The following RIN2 variants were observed in gnomAD, a reference collection of about 807,000 sequenced individuals.
The protein encoded by RIN2 is RAB5 interacting protein 2.
In RIN2, 36 loss-of-function variants were observed where a neutral mutation model predicts 78.0. The observed-to-expected ratio is 0.46, with a 90% CI of 0.35 to 0.61. The LOEUF (loss-of-function observed/expected upper bound fraction) is 0.61. RIN2 is among the 20% of genes least tolerant of loss of function. The pLI is 0.00. For synonymous variants in RIN2, 466 were observed against 466.8 expected (o/e 1.00, Z 0.02); for missense variants, 1,087 against 1,159.7 (o/e 0.94, Z 0.91).
chr20:19,804,622 G>A (rs906881470), intron 2 of RIN2, among the ~76,000 whole-genome samples: 4 of 152,074 alleles, frequency 2.6e-5, no homozygotes, highest in Admixed American at 2.0e-4. Context: ...GAGGATTTTT[G>A]TATCAATATT....
At chr20:19,782,577 A>C (rs527797083) in intron 1 of RIN2, among the ~76,000 whole-genome samples, 1 of 151,940 alleles carries the variant, frequency 6.6e-6, no homozygotes, top group African/African-American at 2.4e-5. Context: ...AAAAAAGATA[A>C]CTATTAAAAT....
intron 1 of RIN2, among the ~76,000 whole-genome samples, chr20:19,778,676 G>A (rs966634367): frequency 2.0e-5 from 3 of 152,208 alleles, no homozygotes; most frequent in African/African-American, 7.2e-5. Flanking sequence ...AAAACCCTGA[G>A]CTTCTTTGGG....
intron 1 of RIN2, among the ~76,000 whole-genome samples, chr20:19,784,007 G>A (rs950779828): frequency 3.3e-5 from 5 of 152,226 alleles, no homozygotes; most frequent in Non-Finnish European, 4.4e-5. Context: ...CTCCAGGGCC[G>A]AGGCCAGGTT....
intron 1 of RIN2, among the ~76,000 whole-genome samples, chr20:19,779,349 G>A (rs1353367117): frequency 6.6e-6 from 1 of 152,162 alleles, no homozygotes; most frequent in Non-Finnish European, 1.5e-5. Flanking sequence ...CTTACTGAGT[G>A]CTACCATGCC....
rs150098984 is a variant in RIN2 at position 19,854,318 on chromosome 20, C to T, written c.-36-35248C>T. The stretch of plus-strand genomic sequence containing the variant: ...TAGTTTGAAGTCAGGTAGTGTGATG[C>T]CTCCAGCTTTGTTCTTTTGGCTTAG... On this transcript the variant is annotated intron_variant, in intron 2 of 12. Transcript: ENST00000255006. 7.2e-3 allele frequency among the ~76,000 whole-genome samples: 1,090 copies of T among 152,358 alleles called. 16 individuals are homozygous for T. The highest frequency in any genetic ancestry group is 0.024 in the African/African-American group (1,013 of 41,576).
At chr20:19,807,750 T>C (rs1382907524) in intron 2 of RIN2, among the ~76,000 whole-genome samples, 2 of 152,186 alleles carry the variant, frequency 1.3e-5, no homozygotes, top group African/African-American at 2.4e-5. Context: ...TTCCTAAATT[T>C]TAGGAGAAGG....
chr20:19,953,503 G>A (rs1034018951), intron 4 of RIN2, among the ~76,000 whole-genome samples: 3 of 151,906 alleles, frequency 2.0e-5, no homozygotes, highest in Admixed American at 6.6e-5. Context: ...GCAGTGGCAC[G>A]ATCTCCACTC....
intron 1 of RIN2, among the ~76,000 whole-genome samples, chr20:19,759,812 C>A (rs2033560707): frequency 6.6e-6 from 1 of 152,016 alleles, no homozygotes; most frequent in Non-Finnish European, 1.5e-5. Context: ...TGCAGTAAGC[C>A]GACATTGTGC....
chr20:19,933,656 A>G (rs1463842477), intron 3 of RIN2, among the ~76,000 whole-genome samples: 1 of 152,162 alleles, frequency 6.6e-6, no homozygotes, highest in Non-Finnish European at 1.5e-5. Context: ...ATGGGGTCAC[A>G]TTTTAGAACA....
chr20:19,791,781 A>G (rs556850368), intron 1 of RIN2, among the ~76,000 whole-genome samples: 7 of 152,308 alleles, frequency 4.6e-5, no homozygotes, highest in Admixed American at 3.9e-4. Flanking sequence ...GGAAATGCTC[A>G]TATTCTCATG....
chr20:19,777,345 C>A (rs917000400), intron 1 of RIN2, among the ~76,000 whole-genome samples: 1 of 152,256 alleles, frequency 6.6e-6, no homozygotes, highest in Non-Finnish European at 1.5e-5. Flanking sequence ...CAGGGTCCCA[C>A]CTATCGAGAA....
chr20:19,938,220 TTTTG>T (rs1391304072), intron 4 of RIN2, among the ~76,000 whole-genome samples: 1 of 152,034 alleles, frequency 6.6e-6, no homozygotes, highest in Non-Finnish European at 1.5e-5. Flanking sequence ...TTTGTTTGGT[TTTTG>T]TTTGTTTGTT....
At chr20:19,840,813 C>A (rs1435243182) in intron 2 of RIN2, among the ~76,000 whole-genome samples, 1 of 152,158 alleles carries the variant, frequency 6.6e-6, no homozygotes, top group African/African-American at 2.4e-5. Context: ...CAGAGTTATC[C>A]AGAGCAATTG....
At chr20:19,980,058 A>C (rs1362189116) in intron 9 of RIN2, among the ~76,000 whole-genome samples, 2 of 151,162 alleles carry the variant, frequency 1.3e-5, no homozygotes, top group Non-Finnish European at 3.0e-5. Context: ...AAAAAAAAAA[A>C]AAAAAAAACT....
intron 2 of RIN2, among the ~76,000 whole-genome samples, chr20:19,857,289 G>A (rs569738936): frequency 6.6e-6 from 1 of 152,068 alleles, no homozygotes; most frequent in Non-Finnish European, 1.5e-5. Context: ...ATGCATCCAC[G>A]TTGCTTCATA....
chr20:19,802,416 C>T (rs1453476311), intron 2 of RIN2, among the ~76,000 whole-genome samples: 1 of 151,048 alleles, frequency 6.6e-6, no homozygotes, highest in Non-Finnish European at 1.5e-5. Context: ...AGGAGGATTG[C>T]TTGAGGACAG....
chr20:19,965,362 A>G (rs1358139484), intron 7 of RIN2, among the ~76,000 whole-genome samples: 1 of 152,174 alleles, frequency 6.6e-6, no homozygotes, highest in Non-Finnish European at 1.5e-5. Context: ...ACACAGACAC[A>G]CATGCACACA....
chr20:19,827,963 A>G (rs957809262), intron 2 of RIN2, among the ~76,000 whole-genome samples: 1 of 151,846 alleles, frequency 6.6e-6, no homozygotes, highest in Non-Finnish European at 1.5e-5. Context: ...GATCCAGCAC[A>G]CTGTTTGGGG....
chr20:19,875,165 A>AT (rs200641937), intron 2 of RIN2, among the ~76,000 whole-genome samples: 90 of 135,742 alleles, frequency 6.6e-4, no homozygotes, highest in South Asian at 1.9e-3. Context: ...CCAGCAGATA[A>AT]TTTTTTTTTT....
Sources: allele counts gnomAD v4.1 joint callset (sites outside exome capture counted in the v4.1 genomes callset), GRCh38; gene constraint gnomAD v4.1.1; transcripts MANE v1.5; gene names NCBI Gene and HGNC (gene_info 2026-07-23, HGNC 2026-07-21).